The following FLACC1 variants were observed in gnomAD, a reference collection of about 807,000 sequenced individuals.
The protein encoded by FLACC1 is flagellum-associated coiled-coil domain-containing protein 1.
Under a neutral mutation model 62.8 loss-of-function variants are expected in FLACC1, and 66 were observed. That is an observed-to-expected ratio of 1.05 (90% CI 0.86 to 1.29). FLACC1 has a LOEUF of 1.29. Ranked by LOEUF, FLACC1 falls within the 50% of genes most tolerant of loss-of-function variation. The pLI is 0.00. For missense variants in FLACC1, 452 were observed against 489.1 expected (o/e 0.92, Z 0.71); for synonymous variants, 156 against 161.0 (o/e 0.97, Z 0.24).
intron 9 of FLACC1, among the ~76,000 whole-genome samples, chr2:201,312,894 A>C (rs1950242749): frequency 6.6e-6 from 1 of 152,210 alleles, no homozygotes. Context: ...TGAGTGCCCA[A>C]ACTGTGGAAG....
In FLACC1 at chr2:201,288,803, G is replaced by A. The variant is rs776709709; in HGVS notation, c.1143-22C>T. 10 of 1,610,402 alleles carry A rather than the reference G, an allele frequency of 6.2e-6. No individual in the cohort carries two copies. The African/African-American group carries it at 1.2e-4, about 19-fold the overall frequency. On this transcript the variant is annotated intron_variant, in intron 14 of 14. Coordinates refer to ENST00000392257, the MANE Select transcript of FLACC1 (RefSeq NM_001127391.3). ...TTGCCTGTAAAAAGAAAGGAAAGATGTATCAATGTCAACTCAAAAGCTAGA... is the reference window on the plus strand; with the variant it reads ...TTGCCTGTAAAAAGAAAGGAAAGATATATCAATGTCAACTCAAAAGCTAGA...
chr2:201,363,517 G>C, the FLACC1 span, among the ~76,000 whole-genome samples: 1 of 152,148 alleles, frequency 6.6e-6, no homozygotes, highest in South Asian at 2.1e-4. Context: ...CATAGATCAT[G>C]GTGCAGCAAG....
chr2:201,345,292 C>T (rs907906650), intron 5 of FLACC1, among the ~76,000 whole-genome samples: 1 of 152,168 alleles, frequency 6.6e-6, no homozygotes, highest in Non-Finnish European at 1.5e-5. Context: ...CCCTGGGTGG[C>T]CCTCTGGGCC....
Position 201,289,722 on chromosome 2 carries a change from A to G in FLACC1, c.1006T>C (p.Tyr336His). The G allele has an allele frequency of 6.2e-7, 1 of 1,614,136 alleles. No individual in the cohort carries two copies. ...ILESLNTNLYYTQLELQKEKA... is the reference protein window; with the variant it reads ...ILESLNTNLYHTQLELQKEKA... ...TCTTTCTGGAGTTCCAACTGGGTAT[A>G]GTAGAGGTTTGTGTTCAGTGACTCT... is the stretch of plus-strand genomic sequence containing the variant. Residue 336 changes from tyrosine (Y) to histidine (H), a missense_variant, in exon 13 of 15, where the codon TAT becomes CAT. Around this residue, in one of 3 missense-constraint regions of FLACC1, gnomAD observed 301 missense variants for 318.4 expected, o/e 0.95. Transcript: ENST00000392257.
chr2:201,308,248 A>C (rs565262852), intron 10 of FLACC1, among the ~76,000 whole-genome samples: 1 of 152,300 alleles, frequency 6.6e-6, no homozygotes, highest in South Asian at 2.1e-4. Flanking sequence ...CTTTAGCAAC[A>C]TGGGATGAGA....
At chr2:201,312,276 T>C (rs1950230678) in intron 9 of FLACC1, among the ~76,000 whole-genome samples, 1 of 152,208 alleles carries the variant, frequency 6.6e-6, no homozygotes, top group Non-Finnish European at 1.5e-5. Flanking sequence ...AGCATTTCTA[T>C]ACACCAATAA....
chr2:201,290,665 A>T (rs1020841927), intron 12 of FLACC1, among the ~76,000 whole-genome samples: 1 of 152,050 alleles, frequency 6.6e-6, no homozygotes, highest in African/African-American at 2.4e-5. Context: ...CTCACTGGGG[A>T]TTGTCAGACA....
Position 201,346,568 on chromosome 2 carries a change from C to T in FLACC1, c.342G>A (p.Glu114=), listed in dbSNP as rs774829346. Residue 114 remains glutamate, a synonymous_variant, in exon 5 of 15, where the codon GAG becomes GAA. Coordinates refer to ENST00000392257, the MANE Select transcript of FLACC1 (RefSeq NM_001127391.3). This position sits in a 1 kb window ranked among gnomAD's most constrained non-coding sequence, Gnocchi z 4.0. ...TGGAAAATCTGCCTTTGTCCGGGATCTCCGATTCCCACCGCTTTTTCCTAT... is the reference window on the plus strand; with the variant it reads ...TGGAAAATCTGCCTTTGTCCGGGATTTCCGATTCCCACCGCTTTTTCCTAT... ...MFDRKKRWES[E]IPDKGRFSRT... The T allele has an allele frequency of 6.2e-7, 1 of 1,614,146 alleles. No homozygotes were observed. Among genetic ancestry groups the T allele is most frequent in the South Asian group, 1.1e-5 (1 of 91,082 alleles).
At chr2:201,358,970 A>C (rs1168158234), upstream of FLACC1, among the ~76,000 whole-genome samples, 3 of 152,206 alleles carry the variant, frequency 2.0e-5, no homozygotes, top group African/African-American at 7.2e-5. Context: ...ATCTGACTAG[A>C]TCTACATATC....
chr2:201,350,890 A>T, intron 2 of FLACC1, 108 bp from the exon 3 acceptor site: 1 of 871,466 alleles, frequency 1.1e-6, no homozygotes, highest in South Asian at 1.7e-5. Flanking sequence ...ATTGGAATGC[A>T]TGATCTGATA....
In FLACC1 at chr2:201,350,747, T is replaced by C. The variant is rs752850046; in HGVS notation, c.149A>G (p.Asn50Ser). 63 of 1,613,596 alleles carry C rather than the reference T, an allele frequency of 3.9e-5. No individual in the cohort carries two copies. The South Asian group carries it at 6.2e-4, about 16-fold the overall frequency. ...TPLVPAPKNH[N>S]YLQPTKPVVS... ...AACAGGTTTTGTTGGTTGGAGGTAATTGTGATTTTTTGGAGCTGGTACAAG... is the reference window on the plus strand; with the variant it reads ...AACAGGTTTTGTTGGTTGGAGGTAACTGTGATTTTTTGGAGCTGGTACAAG... Residue 50 changes from asparagine (N) to serine (S), a missense_variant, in exon 3 of 15, where the codon AAT becomes AGT. Asn to Ser is a conservative substitution (Grantham distance 46, BLOSUM62 1). Coordinates refer to ENST00000392257, the MANE Select transcript of FLACC1 (RefSeq NM_001127391.3).
chr2:201,309,838 C>A (rs1353099666), intron 9 of FLACC1, among the ~76,000 whole-genome samples: 1 of 137,490 alleles, frequency 7.3e-6, no homozygotes, highest in Non-Finnish European at 1.5e-5. Context: ...ACCTAGAAGG[C>A]AGAGGTTGCA....
chr2:201,350,707 T>C lies in FLACC1; in HGVS notation c.185+4A>G, dbSNP rs375062199. 42 of 1,513,938 alleles carry C rather than the reference T, an allele frequency of 2.8e-5. No individual in the cohort carries two copies. In the African/African-American group the frequency reaches 6.9e-4, roughly 25 times the overall value. The allele number at this position is 1,513,938 out of a possible 1,614,324, so 93.8% of individuals were successfully genotyped here. A position where few individuals can be genotyped will look rare whatever the true frequency, so the allele number is the denominator to read the frequency against. On this transcript the variant is annotated splice_donor_region_variant and intron_variant, in intron 3 of 14. Transcript: ENST00000392257. The stretch of plus-strand genomic sequence containing the variant: ...AAAACAAAACAAAACAAAACAATAC[T>C]TACTTTGGGGAAACAACAGGTTTTG...
intron 1 of FLACC1, among the ~76,000 whole-genome samples, chr2:201,356,750 A>T (rs765907081): frequency 6.6e-6 from 1 of 152,188 alleles, no homozygotes; most frequent in Non-Finnish European, 1.5e-5. Context: ...ATAGATCTGC[A>T]TTTACAGTGG....
chr2:201,299,369 G>T (rs1355828339), intron 11 of FLACC1, 69 bp from the exon 12 acceptor site: 2 of 1,256,904 alleles, frequency 1.6e-6, no homozygotes, highest in Admixed American at 3.7e-5. Context: ...AGTTAAGAAA[G>T]CCAGACTAGG....
rs538100427 is a variant in FLACC1, at chr2:201,350,969, A to G, written c.114-187T>C. ...GGCCCTGGCACTTGTTCACTGTCCC[A>G]GGAAGAGTTTGTCCCCCGATTCCCA... On this transcript the variant is annotated intron_variant, in intron 2 of 14. Transcript: ENST00000392257. 2.0e-5 allele frequency among the ~76,000 whole-genome samples: 3 copies of G among 152,342 alleles called. No homozygotes were observed. In the South Asian group the frequency reaches 6.2e-4, roughly 32 times the overall value.
chr2:201,309,216 G>C lies in FLACC1; in HGVS notation c.710C>G (p.Ser237Ter). 4 of 1,613,914 alleles carry C rather than the reference G, an allele frequency of 2.5e-6. No homozygotes were observed. The highest frequency in any genetic ancestry group is 3.4e-6 in the Non-Finnish European group (4 of 1,179,934). Residue 237 changes from serine to a stop codon, truncating the protein, a stop_gained, in exon 10 of 15, where the codon TCA (serine) becomes TGA (stop). Transcript: ENST00000392257. LOFTEE classifies it high-confidence loss of function. ...CTTCTTCCATTTCGCCTTCTGTTTT[G>C]ACCACTTCTCTTCCATTTCATCATA... is the stretch of plus-strand genomic sequence containing the variant. ...SIYDEMEEKWSKQKAKWKKDE... is the reference protein window; with the variant it reads ...SIYDEMEEKW
At chr2:201,307,387 C>G (rs895172958) in intron 11 of FLACC1, 132 bp downstream of exon 11, 1 of 703,774 alleles carries the variant, frequency 1.4e-6, no homozygotes, top group East Asian at 2.5e-5. Context: ...GCATACATTT[C>G]CAGAAAGCTG....
chr2:201,315,398 T>C (rs956103937), intron 9 of FLACC1, among the ~76,000 whole-genome samples: 2 of 151,308 alleles, frequency 1.3e-5, no homozygotes, highest in Non-Finnish European at 2.9e-5. Flanking sequence ...CTAGCAGGAG[T>C]AGCTATTCTT....
Sources: gnomAD v4.1 joint callset for allele counts (sites outside exome capture counted in the v4.1 genomes callset) on GRCh38, gnomAD v4.1.1 for gene constraint, gnomAD v4.1.1 regional missense constraint, Gnocchi (gnomAD v3.1) non-coding constraint, MANE v1.5 for transcripts, NCBI Gene and HGNC (gene_info 2026-07-23, HGNC 2026-07-21) for gene names.